EEPD1: variants seen among roughly 807,000 people sequenced by gnomAD.
The protein encoded by EEPD1 is endonuclease/exonuclease/phosphatase family domain containing 1.
In EEPD1, 17 loss-of-function variants were observed where a neutral mutation model predicts 46.3. The ratio of observed to expected loss-of-function variants is 0.37; its 90% CI spans 0.25 to 0.55. The LOEUF is 0.55. Ranked by LOEUF, EEPD1 falls within the 20% of genes least tolerant of loss-of-function variation. EEPD1 has a pLI of 0.83. For synonymous variants in EEPD1, 313 were observed against 315.6 expected, an observed-to-expected ratio of 0.99 and a Z score of 0.09; for missense variants, 673 against 745.6, an observed-to-expected ratio of 0.90 and a Z score of 1.13.
At chr7:36,279,688 A>G (rs996827272) in intron 3 of EEPD1, among the ~76,000 whole-genome samples, 2 of 152,218 alleles carry the variant, frequency 1.3e-5, no homozygotes, top group Non-Finnish European at 1.5e-5. Context: ...AGCAGCTCTC[A>G]AACCCAAGCG....
intron 6 of EEPD1, among the ~76,000 whole-genome samples, chr7:36,292,328 C>T (rs550576639): frequency 3.3e-5 from 5 of 152,088 alleles, no homozygotes; most frequent in Non-Finnish European, 5.9e-5. Context: ...GAACCGGGGC[C>T]GAGAACCACT....
At chr7:36,200,303 AC>A (rs1785692038) in intron 2 of EEPD1, among the ~76,000 whole-genome samples, 1 of 152,160 alleles carries the variant, frequency 6.6e-6, no homozygotes, top group Non-Finnish European at 1.5e-5. Flanking sequence ...TCTGCCAAGG[AC>A]ATGATCTTAT....
At chr7:36,168,933 C>T (rs923533226) in intron 2 of EEPD1, among the ~76,000 whole-genome samples, 4 of 152,094 alleles carry the variant, frequency 2.6e-5, no homozygotes, top group African/African-American at 4.8e-5. Flanking sequence ...TCTCCTCATC[C>T]CAGGATTCTG....
chr7:36,184,244 A>T (rs530502430), intron 2 of EEPD1, among the ~76,000 whole-genome samples: 1 of 152,250 alleles, frequency 6.6e-6, no homozygotes, highest in African/African-American at 2.4e-5. Context: ...ATGAAGTATT[A>T]TTCTTTTTTG....
In EEPD1 at chr7:36,179,908, G is replaced by A. The variant is rs888336621; in HGVS notation, c.878+24706G>A. Among the ~76,000 whole-genome samples the A allele has an allele frequency of 7.9e-5, 12 of 152,082 alleles. 1 individual carries two copies. Among genetic ancestry groups the A allele is most frequent in the African/African-American group, 2.7e-4 (11 of 41,418 alleles). ...TGAAGCACAGTTACCTGAGTCACCC[G>A]AGGAGCCTTAAGTGTGTCCCCCACC... On this transcript the variant is annotated intron_variant, in intron 2 of 7. Transcript: ENST00000242108.
At chr7:36,175,232 C>T (rs1785156295) in intron 2 of EEPD1, among the ~76,000 whole-genome samples, 1 of 152,204 alleles carries the variant, frequency 6.6e-6, no homozygotes, top group South Asian at 2.1e-4. Context: ...TTACACTAAA[C>T]TTGATTTAAC....
At chr7:36,253,448 C>T (rs377055850) in intron 3 of EEPD1, among the ~76,000 whole-genome samples, 1 of 152,290 alleles carries the variant, frequency 6.6e-6, no homozygotes, top group African/African-American at 2.4e-5. Context: ...CTGTGACTAT[C>T]TGGAGGTCTA....
At chr7:36,267,086 A>G (rs1787031324) in intron 3 of EEPD1, among the ~76,000 whole-genome samples, 1 of 152,168 alleles carries the variant, frequency 6.6e-6, no homozygotes, top group African/African-American at 2.4e-5. Flanking sequence ...GGTGCCAAGC[A>G]CATTATCTCC....
chr7:36,277,339 T>A (rs1469305264), intron 3 of EEPD1, among the ~76,000 whole-genome samples: 1 of 152,240 alleles, frequency 6.6e-6, no homozygotes, highest in African/African-American at 2.4e-5. Flanking sequence ...TGGTAGCAGT[T>A]ACCTCCTGTG....
intron 3 of EEPD1, among the ~76,000 whole-genome samples, chr7:36,266,362 C>T (rs1054082098): frequency 3.3e-5 from 5 of 152,102 alleles, no homozygotes; most frequent in Non-Finnish European, 5.9e-5. Context: ...TGTGAAGAGA[C>T]GTTTGAATCC....
chr7:36,156,871 C>T (rs1309170519), intron 2 of EEPD1, among the ~76,000 whole-genome samples: 2 of 152,182 alleles, frequency 1.3e-5, no homozygotes, highest in Admixed American at 6.5e-5. Flanking sequence ...GCCCCTTCCT[C>T]TGGCAGGGTT....
chr7:36,246,665 C>T (rs1786645145), intron 3 of EEPD1, among the ~76,000 whole-genome samples: 2 of 152,106 alleles, frequency 1.3e-5, no homozygotes, highest in Non-Finnish European at 2.9e-5. Flanking sequence ...GGAAAAGATG[C>T]CTGTCAGTCC....
At chr7:36,264,248 C>T (rs117348448) in intron 3 of EEPD1, among the ~76,000 whole-genome samples, 420 of 152,308 alleles carry the variant, frequency 2.8e-3, no homozygotes, top group Admixed American at 4.6e-3. Context: ...CAAGCTTGAT[C>T]CTATTACTCC....
intron 3 of EEPD1, among the ~76,000 whole-genome samples, chr7:36,267,687 G>A (rs1293070851): frequency 6.6e-6 from 1 of 152,126 alleles, no homozygotes; most frequent in East Asian, 1.9e-4. Flanking sequence ...TGTAAGCTCA[G>A]GTTGGGCAAA....
chr7:36,283,676 A>G (rs1368497790), intron 4 of EEPD1, among the ~76,000 whole-genome samples: 2 of 152,312 alleles, frequency 1.3e-5, no homozygotes, highest in Non-Finnish European at 2.9e-5. Context: ...AATTTCAAAT[A>G]TAGAAGTGCA....
At chr7:36,254,594 G>A (rs1786800231) in intron 3 of EEPD1, among the ~76,000 whole-genome samples, 1 of 152,164 alleles carries the variant, frequency 6.6e-6, no homozygotes, top group Non-Finnish European at 1.5e-5. Flanking sequence ...ATATACGTGT[G>A]CATGTGTCTT....
rs1787573239 is a variant in EEPD1 at position 36,299,039 on chromosome 7, A to G, written c.1543A>G (p.Asn515Asp). ...GGCTGTGGTGAGAGAAGGCCTCACG[A>G]ACCCTTGGATTCCGGATAACTGGTC... Reference protein sequence around the residue: ...HWAVVREGLTNPWIPDNWSWG... With the variant: ...HWAVVREGLTDPWIPDNWSWG... Residue 515 changes from asparagine to aspartate, a missense_variant, in exon 8 of 8, where the codon AAC becomes GAC. Asn to Asp is a conservative substitution (Grantham distance 23). Coordinates refer to ENST00000242108, the MANE Select transcript of EEPD1 (RefSeq NM_030636.3). 4 of 1,613,882 alleles carry G rather than the reference A, an allele frequency of 2.5e-6. No homozygotes were observed. Among genetic ancestry groups the G allele is most frequent in the African/African-American group, 1.3e-5 (1 of 74,880 alleles).
At chr7:36,292,153 C>T (rs1328728093) in intron 6 of EEPD1, among the ~76,000 whole-genome samples, 1 of 152,122 alleles carries the variant, frequency 6.6e-6, no homozygotes, top group African/African-American at 2.4e-5. Flanking sequence ...ATGTGAGTGC[C>T]CCGTGCCAGG....
At chr7:36,210,666 C>T (rs1170295734) in intron 2 of EEPD1, among the ~76,000 whole-genome samples, 1 of 152,130 alleles carries the variant, frequency 6.6e-6, no homozygotes, top group Non-Finnish European at 1.5e-5. Context: ...CTCCAGCTGT[C>T]CTGCCTTCCC....
Sources: allele counts gnomAD v4.1 joint callset (sites outside exome capture counted in the v4.1 genomes callset), GRCh38; gene constraint gnomAD v4.1.1; transcripts MANE v1.5; gene names NCBI Gene and HGNC (gene_info 2026-07-23, HGNC 2026-07-21).